Variants in PRDM16 observed in about 807,000 individuals in gnomAD.
PRDM16 encodes PR/SET domain 16, also known as histone-lysine N-methyltransferase PRDM16.
PRDM16 carries 23 observed loss-of-function variants against 110.6 expected under a neutral mutation model. The observed-to-expected ratio is 0.21, with a 90% CI of 0.15 to 0.29. The LOEUF (loss-of-function observed/expected upper bound fraction) is 0.29, where lower values mean the gene tolerates loss of function less well. PRDM16 is among the 10% of genes least tolerant of loss of function. PRDM16 has a pLI of 1.00. For synonymous variants in PRDM16, 799 were observed against 781.8 expected (o/e 1.02, Z -0.37); for missense variants, 1,615 against 1,794.3 (o/e 0.90, Z 1.81).
Position 3,346,564 on chromosome 1 carries a change from G to A in PRDM16, c.439-38588G>A, listed in dbSNP as rs139222895. Among the ~76,000 whole-genome samples, 144 of 151,986 alleles carry A rather than the reference G, an allele frequency of 9.5e-4. 1 individual carries two copies. The highest frequency in any genetic ancestry group is 6.8e-3 in the Middle Eastern group (2 of 294). On this transcript the variant is annotated intron_variant, in intron 3 of 16. Coordinates refer to ENST00000270722, the MANE Select transcript of PRDM16 (RefSeq NM_022114.4). ...CTGTCTCCTTTCTCTCCCCTCCACC[G>A]TCCCCAGTCTTTGGGGGCAGGCAAC...
intron 2 of PRDM16, among the ~76,000 whole-genome samples, chr1:3,225,646 A>G (rs1034639386): frequency 6.7e-6 from 1 of 150,234 alleles, no homozygotes; most frequent in Non-Finnish European, 1.5e-5. Context: ...CAAGAATTCT[A>G]ACTTATTTTG....
rs1643125231 is a variant in PRDM16, at chr1:3,382,828, A to C, written c.439-2324A>C. 6.6e-6 allele frequency among the ~76,000 whole-genome samples: 1 copy of C among 152,190 alleles called. No individual in the cohort carries two copies. The highest frequency in any genetic ancestry group is 6.5e-5 in the Admixed American group (1 of 15,284). On this transcript the variant is annotated intron_variant, in intron 3 of 16. Transcript: ENST00000270722. This position sits in a 1 kb window ranked among gnomAD's most constrained non-coding sequence, Gnocchi z 6.6. Reference sequence around the variant, plus strand: ...GAGCACCAGCCCTCAGCCCACAGGCACTGTGTACAATGTGCTGTGACGTCA... The same window carrying C: ...GAGCACCAGCCCTCAGCCCACAGGCCCTGTGTACAATGTGCTGTGACGTCA...
At chr1:3,094,822 C>T (rs1642357620) in intron 1 of PRDM16, among the ~76,000 whole-genome samples, 1 of 152,152 alleles carries the variant, frequency 6.6e-6, no homozygotes, top group Admixed American at 6.5e-5. Flanking sequence ...GGGCCTTGTC[C>T]CTGCTGCGGT....
intron 4 of PRDM16, among the ~76,000 whole-genome samples, chr1:3,388,608 C>T (rs1643242547): frequency 6.6e-6 from 1 of 152,218 alleles, no homozygotes; most frequent in Admixed American, 6.5e-5. Flanking sequence ...AGCTCCTCTA[C>T]TGGGCTGAGG....
intron 1 of PRDM16, among the ~76,000 whole-genome samples, chr1:3,113,982 T>A (rs775996681): frequency 6.6e-6 from 1 of 152,162 alleles, no homozygotes; most frequent in African/African-American, 2.4e-5. Context: ...AACACTGGAG[T>A]GGTTCCTCTG....
chr1:3,310,104 A>G (rs1641413599), intron 3 of PRDM16: 1 of 152,254 alleles, frequency 6.6e-6, no homozygotes, highest in Non-Finnish European at 1.5e-5. Context: ...TAAAACAAAA[A>G]GTCAACATGT....
intron 3 of PRDM16, among the ~76,000 whole-genome samples, chr1:3,319,963 C>T (rs760807110): frequency 3.9e-5 from 6 of 152,194 alleles, no homozygotes; most frequent in Non-Finnish European, 8.8e-5. Flanking sequence ...CGACTATTGT[C>T]ATAGTCAGCC....
At position 3,181,668 on chromosome 1, in the gene PRDM16, T is replaced by G. The variant is rs1233863471; in HGVS notation, c.38-4457T>G. 4.1e-5 allele frequency among the ~76,000 whole-genome samples: 5 copies of G among 122,144 alleles called. 1 individual carries two copies. In the East Asian group the frequency reaches 1.2e-3, roughly 28 times the overall value. 80.1% of individuals were successfully genotyped at this position (122,144 alleles called of 152,430 possible). On this transcript the variant is annotated intron_variant, in intron 1 of 16. Transcript: ENST00000270722. ...CGGTCTTACACACGGTCTTACACAG[T>G]CTTACACGCGCAGTCTTACACACGG...
intron 1 of PRDM16, among the ~76,000 whole-genome samples, chr1:3,162,645 C>G (rs1348777203): frequency 6.6e-6 from 1 of 152,214 alleles, no homozygotes; most frequent in African/African-American, 2.4e-5. Context: ...CGAGCCCGTG[C>G]GCCGATGGAG....
At position 3,069,413 on chromosome 1, in the gene PRDM16, CG is replaced by C. The variant is rs1421384598; in HGVS notation, c.37+119del. 1 of 163,252 alleles carries C rather than the reference CG, an allele frequency of 6.1e-6. No individual in the cohort carries two copies. Among genetic ancestry groups the C allele is most frequent in the Non-Finnish European group, 1.2e-5 (1 of 83,432 alleles). The allele number at this position is 163,252 out of a possible 1,614,324, so 10.1% of individuals were successfully genotyped here. On this transcript the variant is annotated intron_variant, in intron 1 of 16. Coordinates refer to ENST00000270722, the MANE Select transcript of PRDM16 (RefSeq NM_022114.4). The surrounding 1 kb of genome is among the most constrained non-coding windows in gnomAD (Gnocchi z 6.1). ...CGGCGCGCCTGCGGCTCCGGGCCCC[CG>C]GCTCGGCCGCGCGGCCCGGGGGGCT...
chr1:3,082,716 GC>G (rs1170371662), intron 1 of PRDM16, among the ~76,000 whole-genome samples: 1 of 152,240 alleles, frequency 6.6e-6, no homozygotes, highest in African/African-American at 2.4e-5. Context: ...TGTTGCCGCA[GC>G]AAGGAGAGGT....
At position 3,148,727 on chromosome 1, in the gene PRDM16, C is replaced by G. The variant is rs753566235; in HGVS notation, c.38-37398C>G. On this transcript the variant is annotated intron_variant, in intron 1 of 16. Transcript: ENST00000270722. This position sits in a 1 kb window ranked among gnomAD's most constrained non-coding sequence, Gnocchi z 5.0. The stretch of plus-strand genomic sequence containing the variant: ...GGCCCAAAGCCAAAGGGTGGTGAAT[C>G]TGGGCACTGCCTGGGACCATGGGGG... 3.3e-5 allele frequency among the ~76,000 whole-genome samples: 5 copies of G among 152,234 alleles called. No individual in the cohort carries two copies. The highest frequency in any genetic ancestry group is 7.3e-5 in the Non-Finnish European group (5 of 68,034).
intron 1 of PRDM16, among the ~76,000 whole-genome samples, chr1:3,149,616 C>G (rs1222587462): frequency 3.3e-5 from 5 of 152,228 alleles, no homozygotes. Context: ...GGGTTTACCA[C>G]TCAATGAGCC....
In PRDM16 at chr1:3,353,804, T is replaced by TA. The variant is rs1232593283; in HGVS notation, c.439-31347dup. Among the ~76,000 whole-genome samples the TA allele has an allele frequency of 6.6e-6, 1 of 152,126 alleles. No individual in the cohort carries two copies. Among genetic ancestry groups the TA allele is most frequent in the African/African-American group, 2.4e-5 (1 of 41,458 alleles). On this transcript the variant is annotated intron_variant, in intron 3 of 16. Coordinates refer to ENST00000270722, the MANE Select transcript of PRDM16 (RefSeq NM_022114.4). This position sits in a 1 kb window ranked among gnomAD's most constrained non-coding sequence, Gnocchi z 5.4. Reference sequence around the variant, plus strand: ...GCCTCTGTGTCTTGTCACCAGGCCTTACCCTGGGGACCCCTGCTCCCAGCG... The same window carrying TA: ...GCCTCTGTGTCTTGTCACCAGGCCTTAACCCTGGGGACCCCTGCTCCCAGCG...
At chr1:3,084,561 C>T (rs1048715434) in intron 1 of PRDM16, among the ~76,000 whole-genome samples, 3 of 152,138 alleles carry the variant, frequency 2.0e-5, no homozygotes, top group East Asian at 1.9e-4. Flanking sequence ...GTTGCTCTGT[C>T]GCCGAAATTC....
intron 3 of PRDM16, among the ~76,000 whole-genome samples, chr1:3,283,841 C>G (rs1640787710): frequency 6.6e-6 from 1 of 152,258 alleles, no homozygotes; most frequent in Non-Finnish European, 1.5e-5. Flanking sequence ...CACACAGCCT[C>G]CCCGACCAAC....
At chr1:3,311,597 C>T (rs74048223) in intron 3 of PRDM16, among the ~76,000 whole-genome samples, 15,148 of 152,178 alleles carry the variant, frequency 0.1, 868 homozygotes, top group African/African-American at 0.15. Flanking sequence ...CTTGGCCTGA[C>T]CTAATCAACA....
chr1:3,415,625 G>A (rs1557664245), intron 10 of PRDM16, among the ~76,000 whole-genome samples: 1 of 152,250 alleles, frequency 6.6e-6, no homozygotes, highest in African/African-American at 2.4e-5. Context: ...TGCGGGGAGC[G>A]AGGCCGGGAA....
At chr1:3,355,372 A>G (rs1642574320) in intron 3 of PRDM16, among the ~76,000 whole-genome samples, 1 of 152,156 alleles carries the variant, frequency 6.6e-6, no homozygotes, top group Admixed American at 6.5e-5. Flanking sequence ...TGCTCTTCCA[A>G]CACAGCTTCT....
Sources: allele counts gnomAD v4.1 joint callset (sites outside exome capture counted in the v4.1 genomes callset), GRCh38; gene constraint gnomAD v4.1.1; non-coding constraint Gnocchi (gnomAD v3.1); transcripts MANE v1.5; gene names NCBI Gene and HGNC (gene_info 2026-07-23, HGNC 2026-07-21).